Variants in CCDC142 observed in about 807,000 individuals in gnomAD.
The protein encoded by CCDC142 is coiled-coil domain containing 142, also known as coiled-coil domain-containing protein 142.
A neutral mutation model predicts 83.8 loss-of-function variants in CCDC142; 67 were observed. The observed-to-expected ratio is 0.80, with a 90% CI of 0.66 to 0.98. The LOEUF is 0.98. Among genes scored for constraint, CCDC142 ranks in the 50% least tolerant of loss-of-function variants. The pLI is 0.00. For missense variants in CCDC142, 905 were observed against 946.8 expected (o/e 0.96, Z 0.58); for synonymous variants, 421 against 421.2 (o/e 1.00, Z 0.01).
Position 74,481,892 on chromosome 2 carries a change from T to A in CCDC142, c.946A>T (p.Ser316Cys). 1 of 1,614,128 alleles carries A rather than the reference T, an allele frequency of 6.2e-7. No individual in the cohort carries two copies. Among genetic ancestry groups the A allele is most frequent in the Non-Finnish European group, 8.5e-7 (1 of 1,180,014 alleles). ...CAGGGTCCCAGATTTAGGTCCAGAC[T>A]CTGAGCACAGGCTGCCCACAGCAGG... ...WTLLWAACAQ[S>C]LDLNLGPWRD... The change falls in exon 1 of 9, where the codon AGT becomes TGT. Residue 316 changes from serine to cysteine, a missense_variant. Physicochemically the swap from Ser to Cys is moderately radical, Grantham distance 112. Coordinates refer to ENST00000393965, the MANE Select transcript of CCDC142 (RefSeq NM_001365575.2).
At chr2:74,479,068 C>T (rs1672389872) in intron 5 of CCDC142, among the ~76,000 whole-genome samples, 1 of 151,236 alleles carries the variant, frequency 6.6e-6, no homozygotes, top group South Asian at 2.1e-4. Flanking sequence ...GTGGCTTCCA[C>T]CTGTGGTTCC....
At position 74,477,903 on chromosome 2, in the gene CCDC142, G is replaced by A. The variant is rs193086903; in HGVS notation, c.1504-2177C>T. 3.0e-3 allele frequency among the ~76,000 whole-genome samples: 457 copies of A among 151,902 alleles called. 1 individual carries two copies. Among genetic ancestry groups the A allele is most frequent in the Non-Finnish European group, 5.8e-3 (397 of 67,972 alleles). On this transcript the variant is annotated intron_variant, in intron 5 of 8. Coordinates refer to ENST00000393965, the MANE Select transcript of CCDC142 (RefSeq NM_001365575.2). Reference sequence around the variant, plus strand: ...CCCAGAACTTTGGGAGGCCAAGGCGGTGGATTGCTTGAGCTCAAGAGTTCA... The same window carrying A: ...CCCAGAACTTTGGGAGGCCAAGGCGATGGATTGCTTGAGCTCAAGAGTTCA...
chr2:74,482,326 A>G lies in CCDC142; in HGVS notation c.512T>C (p.Ile171Thr), dbSNP rs764637590. 39 of 1,607,868 alleles carry G rather than the reference A, an allele frequency of 2.4e-5. No homozygotes were observed. Among genetic ancestry groups the G allele is most frequent in the Non-Finnish European group, 3.2e-5 (38 of 1,178,194 alleles). The change falls in exon 1 of 9, where the codon ATC (isoleucine) becomes ACC (threonine). Residue 171 changes from isoleucine to threonine, a missense_variant. Around this residue, in one of 3 missense-constraint regions of CCDC142, gnomAD observed 591 missense variants for 571.4 expected, o/e 1.03. Transcript: ENST00000393965. The surrounding 1 kb of genome is among the most constrained non-coding windows in gnomAD (Gnocchi z 5.0). ...TLEPLLLARP[I>T]GLAAQCLEAV... ...CTCCAGGCACTGGGCGGCTAGTCCG[A>G]TGGGGCGCGCTAGCAGCAGCGGCTC...
At chr2:74,480,585 T>C (rs899127998) in intron 5 of CCDC142, among the ~76,000 whole-genome samples, 184 bp downstream of exon 5, 3 of 137,620 alleles carry the variant, frequency 2.2e-5, no homozygotes, top group Non-Finnish European at 4.6e-5. Flanking sequence ...AGTGAGACCC[T>C]GTCTCAAAAA....
At position 74,474,735 on chromosome 2, in the gene CCDC142, C is replaced by A; in HGVS notation, c.2064G>T (p.Glu688Asp). The change falls in exon 9 of 9, where the codon GAG becomes GAT. Residue 688 changes from glutamate (E) to aspartate (D), a missense_variant. Around this residue, in one of 3 missense-constraint regions of CCDC142, gnomAD observed 265 missense variants for 288.9 expected, o/e 0.92. Transcript: ENST00000393965. ...SSCLNSLESL[E>D]PPLQPGTSPA... ...GAGATGTTCCAGGCTGGAGCGGGGG[C>A]TCCAAGCTCTCCAGGCTATTGAGGC... is the stretch of plus-strand genomic sequence containing the variant. The A allele has an allele frequency of 6.2e-7, 1 of 1,614,162 alleles. No homozygotes were observed. Among genetic ancestry groups the A allele is most frequent in the South Asian group, 1.1e-5 (1 of 91,072 alleles).
rs957046306 is a variant in CCDC142 at position 74,474,244 on chromosome 2, C to T, written c.*302G>A. ...GACTACAGGCACCCGCCACCACGCC[C>T]GGCTAATTTTTTGTATTTTTAGTGG... On this transcript the variant is annotated 3_prime_UTR_variant, in exon 9 of 9. Coordinates refer to ENST00000393965, the MANE Select transcript of CCDC142 (RefSeq NM_001365575.2). 1.1e-4 allele frequency: 24 copies of T among 213,986 alleles called. No homozygotes were observed. The highest frequency in any genetic ancestry group is 4.2e-4 in the African/African-American group (18 of 42,442). 13.3% of individuals were successfully genotyped at this position (213,986 alleles called of 1,614,324 possible).
Position 74,482,579 on chromosome 2 carries a change from C to T in CCDC142, c.259G>A (p.Ala87Thr), listed in dbSNP as rs1215729682. The change falls in exon 1 of 9, where the codon GCG (alanine) becomes ACG (threonine). Residue 87 changes from alanine (A) to threonine (T), a missense_variant. Physicochemically the swap from Ala to Thr is moderately conservative, Grantham distance 58 (BLOSUM62 0). This residue lies in a region of CCDC142 where 591 missense variants were observed against 571.4 expected (regional missense o/e 1.03). Coordinates refer to ENST00000393965, the MANE Select transcript of CCDC142 (RefSeq NM_001365575.2). This position sits in a 1 kb window ranked among gnomAD's most constrained non-coding sequence, Gnocchi z 5.0. ...AACACCGCCCGGAGACGCTGCAGCG[C>T]GGGAGGGATCGGGCCGCCACCTGCG... ...GPAGGGPIPP[A>T]LQRLRAVLLR... 6 of 1,602,942 alleles carry T rather than the reference C, an allele frequency of 3.7e-6. No individual in the cohort carries two copies. The highest frequency in any genetic ancestry group is 5.1e-6 in the Non-Finnish European group (6 of 1,175,004).
rs1382406298 is a variant in CCDC142 at position 74,482,691 on chromosome 2, T to C, written c.147A>G (p.Gly49=). The change falls in exon 1 of 9, where the codon GGA becomes GGG. Residue 49 remains glycine, a synonymous_variant. Transcript: ENST00000393965. The surrounding 1 kb of genome is among the most constrained non-coding windows in gnomAD (Gnocchi z 5.0). ...GCCACCACGGCGTCCCTCCAGAAGT[T>C]CCGCTCGGCCAGCAGTGAACCTCCC... ...LRWEVHCWPS[G]TSGGTPWWPT... The C allele has an allele frequency of 6.2e-7, 1 of 1,609,906 alleles. No individual in the cohort carries two copies. The highest frequency in any genetic ancestry group is 1.1e-5 in the South Asian group (1 of 91,092).
In CCDC142 at chr2:74,481,287, G is replaced by A. The variant is rs773853148; in HGVS notation, c.1194C>T (p.Leu398=). 5 of 1,614,174 alleles carry A rather than the reference G, an allele frequency of 3.1e-6. 1 individual carries two copies. Among genetic ancestry groups the A allele is most frequent in the South Asian group, 2.2e-5 (2 of 91,082 alleles). The change falls in exon 3 of 9, where the codon CTC becomes CTT. Residue 398 remains leucine, a synonymous_variant. Coordinates refer to ENST00000393965, the MANE Select transcript of CCDC142 (RefSeq NM_001365575.2). Reference sequence around the variant, plus strand: ...GAAGGGCATCCAAGAGAGGAGGAAAGAGCTGCTGCAAAAGTTCAGCAGTGC... The same window carrying A: ...GAAGGGCATCCAAGAGAGGAGGAAAAAGCTGCTGCAAAAGTTCAGCAGTGC... ...SSGTAELLQQ[L]FPPLLDALRE...
Position 74,473,415 on chromosome 2 carries a change from G to A in CCDC142, c.*1131C>T, listed in dbSNP as rs1342153751. 3 of 152,284 alleles carry A rather than the reference G, an allele frequency of 2.0e-5. No homozygotes were observed. The highest frequency in any genetic ancestry group is 7.2e-5 in the African/African-American group (3 of 41,448). The allele number at this position is 152,284 out of a possible 1,614,324, so 9.4% of individuals were successfully genotyped here. ...GGCTCACTGCAATCTCTGCCTCCCG[G>A]GTTCAAGCGATTCTCATGCCTCAGC... On this transcript the variant is annotated 3_prime_UTR_variant, in exon 9 of 9. Coordinates refer to ENST00000393965, the MANE Select transcript of CCDC142 (RefSeq NM_001365575.2).
Position 74,475,693 on chromosome 2 carries a change from GAGAAA to G in CCDC142, c.1532_1536del (p.Phe511SerfsTer5). ...TGCATGGCTTGTTTATGACATTCTTGAGAAAAGACACTTAGTGACTCTTCAGGCAG... is the reference window on the plus strand; with the variant it reads ...TGCATGGCTTGTTTATGACATTCTTGAGACACTTAGTGACTCTTCAGGCAG... On this transcript the variant is annotated frameshift_variant, in exon 6 of 9. Transcript: ENST00000393965. LOFTEE classifies it high-confidence loss of function. 2 of 1,613,998 alleles carry G rather than the reference GAGAAA, an allele frequency of 1.2e-6. No individual in the cohort carries two copies. Among genetic ancestry groups the G allele is most frequent in the Non-Finnish European group, 1.7e-6 (2 of 1,179,920 alleles).
chr2:74,475,333 C>G lies in CCDC142; in HGVS notation c.1688G>C (p.Gly563Ala), dbSNP rs1159204534. ...GGCTTGAGGTGGCAACCCTTGCAAT[C>G]CTTGCAACACAGGCTCCAGTACGGT... Reference protein sequence around the residue: ...VRTVLEPVLQGLQGLPPQAQA... With the variant: ...VRTVLEPVLQALQGLPPQAQA... The change falls in exon 7 of 9, where the codon GGA becomes GCA. Residue 563 changes from glycine (G) to alanine (A), a missense_variant. Physicochemically the swap from Gly to Ala is moderately conservative, Grantham distance 60 (BLOSUM62 0). Around this residue, in one of 3 missense-constraint regions of CCDC142, gnomAD observed 265 missense variants for 288.9 expected, o/e 0.92. Transcript: ENST00000393965. The G allele has an allele frequency of 2.5e-6, 4 of 1,613,262 alleles. No individual in the cohort carries two copies. Among genetic ancestry groups the G allele is most frequent in the Non-Finnish European group, 3.4e-6 (4 of 1,179,526 alleles).
At chr2:74,475,767 A>G in intron 5 of CCDC142, 41 bp from the exon 6 acceptor site, 1 of 1,235,050 alleles carries the variant, frequency 8.1e-7, no homozygotes, top group South Asian at 1.2e-5. Flanking sequence ...TTGTCAAATT[A>G]TGATGATCCT....
In CCDC142 at chr2:74,480,856, C is replaced by T; in HGVS notation, c.1416G>A (p.Leu472=). 1 of 1,614,024 alleles carries T rather than the reference C, an allele frequency of 6.2e-7. No homozygotes were observed. Among genetic ancestry groups the T allele is most frequent in the Non-Finnish European group, 8.5e-7 (1 of 1,179,886 alleles). The change falls in exon 5 of 9, where the codon TTG becomes TTA. Residue 472 remains leucine (L), a synonymous_variant. Transcript: ENST00000393965. The stretch of plus-strand genomic sequence containing the variant: ...AGCTTTCCTCTGAGGCCAGGCTATA[C>T]AAAGCTTCTGCCTCATGCAACAGAG... ...LPPLLHEAEA[L]YSLASEESLA...
At chr2:74,476,415 G>A (rs554611897) in intron 5 of CCDC142, among the ~76,000 whole-genome samples, 5 of 152,092 alleles carry the variant, frequency 3.3e-5, no homozygotes, top group South Asian at 2.1e-4. Context: ...TCAGGTGATC[G>A]GCCTGCCTCT....
At chr2:74,477,764 T>C (rs903642565) in intron 5 of CCDC142, among the ~76,000 whole-genome samples, 3 of 152,162 alleles carry the variant, frequency 2.0e-5, no homozygotes, top group Non-Finnish European at 4.4e-5. Context: ...CTCTGGGGCA[T>C]GTTGAGTTTA....
chr2:74,477,723 G>T lies in CCDC142; in HGVS notation c.1504-1997C>A, dbSNP rs554653077. Among the ~76,000 whole-genome samples the T allele has an allele frequency of 2.0e-5, 3 of 152,236 alleles. No homozygotes were observed. In the East Asian group the frequency reaches 5.8e-4, roughly 29 times the overall value. On this transcript the variant is annotated intron_variant, in intron 5 of 8. Coordinates refer to ENST00000393965, the MANE Select transcript of CCDC142 (RefSeq NM_001365575.2). The stretch of plus-strand genomic sequence containing the variant: ...CTTCCTTCCTCAGGGCTCTATGACC[G>T]TCACTGTGTGCAGTACTCATGATGA...
rs1054500564 is a variant in CCDC142 at position 74,474,371 on chromosome 2, C to G, written c.*175G>C. The G allele has an allele frequency of 1.1e-5, 9 of 849,896 alleles. No homozygotes were observed. Among genetic ancestry groups the G allele is most frequent in the Non-Finnish European group, 1.4e-5 (8 of 579,638 alleles). 52.6% of individuals were successfully genotyped at this position (849,896 alleles called of 1,614,324 possible). ...GTGCTGGATTACAGGCGTGAGCCAC[C>G]TCGCCCAGCCCCTAATCTTGGATTC... is the stretch of plus-strand genomic sequence containing the variant. On this transcript the variant is annotated 3_prime_UTR_variant, in exon 9 of 9. Transcript: ENST00000393965.
intron 5 of CCDC142, among the ~76,000 whole-genome samples, chr2:74,479,123 G>A (rs528141813): frequency 3.9e-5 from 6 of 152,148 alleles, no homozygotes; most frequent in African/African-American, 1.4e-4. Flanking sequence ...GAGCCCAGGA[G>A]GTGGAGGTTG....
Sources: allele counts gnomAD v4.1 joint callset (sites outside exome capture counted in the v4.1 genomes callset), GRCh38; gene constraint gnomAD v4.1.1; regional missense constraint gnomAD v4.1.1; non-coding constraint Gnocchi (gnomAD v3.1); transcripts MANE v1.5; gene names NCBI Gene and HGNC (gene_info 2026-07-23, HGNC 2026-07-21).